SLC25A31: variants seen among roughly 807,000 people sequenced by gnomAD.
SLC25A31 encodes ADP/ATP translocase 4.
In SLC25A31, 40 loss-of-function variants were observed where a neutral mutation model predicts 36.2. The observed-to-expected ratio is 1.10, with a 90% CI of 0.86 to 1.44. The LOEUF (loss-of-function observed/expected upper bound fraction) is 1.44, where lower values mean the gene tolerates loss of function less well. Ranked by LOEUF, SLC25A31 falls within the 40% of genes most tolerant of loss-of-function variation. The pLI, the probability that SLC25A31 is intolerant of heterozygous loss-of-function variation, is 0.00. For synonymous variants in SLC25A31, 143 were observed against 149.7 expected, an observed-to-expected ratio of 0.96 and a Z score of 0.32; for missense variants, 350 against 397.1, an observed-to-expected ratio of 0.88 and a Z score of 1.01.
intron 1 of SLC25A31, among the ~76,000 whole-genome samples, chr4:127,737,642 GT>G (rs1191067093): frequency 6.6e-6 from 1 of 151,986 alleles, no homozygotes; most frequent in Non-Finnish European, 1.5e-5. Context: ...GCAGCCTGGA[GT>G]TTTGGTGTTC....
At chr4:127,730,857 C>A in intron 1 of SLC25A31, 80 bp downstream of exon 1, 1 of 1,351,782 alleles carries the variant, frequency 7.4e-7, no homozygotes, top group Non-Finnish European at 1.0e-6. Flanking sequence ...CTGGGAGGGG[C>A]ATGATTGTGG....
intron 2 of SLC25A31, among the ~76,000 whole-genome samples, chr4:127,748,537 A>G (rs1056563365): frequency 6.6e-6 from 1 of 152,214 alleles, no homozygotes; most frequent in Admixed American, 6.5e-5. Flanking sequence ...TAACAGGCCT[A>G]CCATCAATGA....
chr4:127,740,979 G>A (rs1731723419), intron 1 of SLC25A31, among the ~76,000 whole-genome samples: 1 of 152,076 alleles, frequency 6.6e-6, no homozygotes, highest in Non-Finnish European at 1.5e-5. Context: ...CACCTCTTTG[G>A]TTAAATTTAT....
chr4:127,761,251 A>T (rs1321926241), intron 2 of SLC25A31, among the ~76,000 whole-genome samples: 1 of 152,170 alleles, frequency 6.6e-6, no homozygotes, highest in African/African-American at 2.4e-5. Context: ...CCTGGTTTGA[A>T]TGATAAATTA....
chr4:127,752,002 A>T (rs1259041187), intron 2 of SLC25A31, among the ~76,000 whole-genome samples: 2 of 152,230 alleles, frequency 1.3e-5, no homozygotes, highest in Non-Finnish European at 2.9e-5. Flanking sequence ...ATTGTGGAAG[A>T]CAGTGTGGCG....
At chr4:127,751,805 G>A (rs1217080334) in intron 2 of SLC25A31, among the ~76,000 whole-genome samples, 10 of 152,208 alleles carry the variant, frequency 6.6e-5, no homozygotes, top group Non-Finnish European at 1.5e-4. Context: ...GCAGCCAACA[G>A]ACACATGAAA....
chr4:127,773,133 T>G (rs4833391), intron 5 of SLC25A31, among the ~76,000 whole-genome samples: 107,002 of 151,980 alleles, frequency 0.7, 38,086 homozygotes, highest in Middle Eastern at 0.8. Context: ...ATTGCAGTGC[T>G]GTGAGAGGAT....
At chr4:127,744,615 T>C in intron 1 of SLC25A31, 57 bp from the exon 2 acceptor site, 1 of 1,448,262 alleles carries the variant, frequency 6.9e-7, no homozygotes, top group African/African-American at 1.4e-5. Context: ...GCTAAAACTA[T>C]GGCAATTGTT....
intron 5 of SLC25A31, among the ~76,000 whole-genome samples, chr4:127,770,949 C>CTTTTTTTTTT (rs558206857): frequency 2.2e-4 from 18 of 80,822 alleles, no homozygotes; most frequent in African/African-American, 6.3e-4. Flanking sequence ...TCTTCTTCTT[C>CTTTTTTTTTT]TTTTTTTTTT....
chr4:127,754,713 G>C (rs1731998191), intron 2 of SLC25A31, among the ~76,000 whole-genome samples: 1 of 152,090 alleles, frequency 6.6e-6, no homozygotes, highest in Non-Finnish European at 1.5e-5. Flanking sequence ...TCATAGTTTG[G>C]AAAAATTAAT....
chr4:127,770,047 A>AT (rs1314366175), intron 5 of SLC25A31, among the ~76,000 whole-genome samples: 1 of 152,164 alleles, frequency 6.6e-6, no homozygotes, highest in Non-Finnish European at 1.5e-5. Flanking sequence ...CATTATCCTC[A>AT]TTTTTATTGA....
intron 2 of SLC25A31, among the ~76,000 whole-genome samples, chr4:127,761,263 A>G (rs570728625): frequency 1.9e-4 from 29 of 152,314 alleles, no homozygotes; most frequent in African/African-American, 7.0e-4. Context: ...GATAAATTAC[A>G]TGATTATCCA....
intron 2 of SLC25A31, among the ~76,000 whole-genome samples, chr4:127,745,243 C>A (rs1394895471): frequency 6.6e-6 from 1 of 151,536 alleles, no homozygotes; most frequent in East Asian, 1.9e-4. Context: ...TATAGGAAGT[C>A]CAAATGGAGC....
intron 1 of SLC25A31, among the ~76,000 whole-genome samples, chr4:127,738,491 A>G (rs189053189): frequency 2.0e-5 from 3 of 152,128 alleles, no homozygotes; most frequent in South Asian, 2.1e-4. Context: ...TATAATTTCT[A>G]TTTTTTTGTA....
chr4:127,754,755 T>C lies in SLC25A31; in HGVS notation c.361-9488T>C, dbSNP rs751598946. 2.7e-3 allele frequency among the ~76,000 whole-genome samples: 415 copies of C among 152,224 alleles called. 4 individuals carry two copies. The highest frequency in any genetic ancestry group is 1.0e-3 in the South Asian group (5 of 4,832). ...AAAATGCCCCTACTATCCAAAATAA[T>C]CTACAGATGCAGTGCTGTTTCTATC... is the stretch of plus-strand genomic sequence containing the variant. On this transcript the variant is annotated intron_variant, in intron 2 of 5. Transcript: ENST00000281154.
chr4:127,738,792 G>A (rs190691252), intron 1 of SLC25A31, among the ~76,000 whole-genome samples: 1 of 152,244 alleles, frequency 6.6e-6, no homozygotes, highest in Non-Finnish European at 1.5e-5. Context: ...TGGTCCAAAT[G>A]TTGGGTATGT....
intron 2 of SLC25A31, among the ~76,000 whole-genome samples, chr4:127,755,623 A>G (rs1732015181): frequency 6.6e-6 from 1 of 152,236 alleles, no homozygotes; most frequent in Non-Finnish European, 1.5e-5. Flanking sequence ...ACTATTATCA[A>G]AAATATGAAA....
At chr4:127,768,945 A>C in intron 5 of SLC25A31, 68 bp downstream of exon 5, 1 of 1,413,102 alleles carries the variant, frequency 7.1e-7, no homozygotes, top group Non-Finnish European at 9.4e-7. Context: ...GTATAATCAA[A>C]TTTAAGAGAA....
intron 2 of SLC25A31, among the ~76,000 whole-genome samples, chr4:127,754,511 A>C (rs562823115): frequency 1.3e-5 from 2 of 149,028 alleles, no homozygotes; most frequent in South Asian, 4.3e-4. Context: ...TTTAACAAGA[A>C]ATAAGAATAA....
Sources: gnomAD v4.1 joint callset for allele counts (sites outside exome capture counted in the v4.1 genomes callset) on GRCh38, gnomAD v4.1.1 for gene constraint, MANE v1.5 for transcripts, NCBI Gene and HGNC (gene_info 2026-07-23, HGNC 2026-07-21) for gene names.